RASGRF2: variants seen among roughly 807,000 people sequenced by gnomAD.
RASGRF2 encodes Ras protein specific guanine nucleotide releasing factor 2.
A neutral mutation model predicts 151.0 loss-of-function variants in RASGRF2; 76 were observed. The ratio of observed to expected loss-of-function variants is 0.50; its 90% CI spans 0.42 to 0.61. The LOEUF (loss-of-function observed/expected upper bound fraction) is 0.61. Ranked by LOEUF, RASGRF2 falls within the 20% of genes least tolerant of loss-of-function variation. The pLI is 0.00. For synonymous variants in RASGRF2, 504 were observed against 566.5 expected, an observed-to-expected ratio of 0.89 and a Z score of 1.57; for missense variants, 1,148 against 1,564.6, an observed-to-expected ratio of 0.73 and a Z score of 4.49.
chr5:80,974,236 A>G (rs918352761), intron 1 of RASGRF2, among the ~76,000 whole-genome samples: 2 of 152,240 alleles, frequency 1.3e-5, no homozygotes, highest in Admixed American at 6.5e-5. Flanking sequence ...CACATCCACA[A>G]AGAAGGGTAT....
At chr5:81,209,924 C>A in intron 22 of RASGRF2, among the ~76,000 whole-genome samples, 1 of 152,304 alleles carries the variant, frequency 6.6e-6, no homozygotes, top group East Asian at 1.9e-4. Context: ...AGCACAGGAT[C>A]TAGACGTCAT....
chr5:81,160,249 G>A (rs756676082), intron 17 of RASGRF2, among the ~76,000 whole-genome samples: 9 of 152,010 alleles, frequency 5.9e-5, no homozygotes, highest in African/African-American at 1.2e-4. Context: ...GTGAAACCCC[G>A]TCTCTACTAA....
At chr5:81,035,982 AACAACAATAATCAAGAAGTCCTAC>A (rs1336017021) in intron 1 of RASGRF2, among the ~76,000 whole-genome samples, 1 of 152,208 alleles carries the variant, frequency 6.6e-6, no homozygotes. Flanking sequence ...ACAGAAAAAC[AACAACAATAATCAAGAAGTCCTAC>A]TTATTTCAGA....
chr5:81,021,731 A>G lies in RASGRF2; in HGVS notation c.289-21146A>G, dbSNP rs112805888. ...TAACCACAATCCGTTCATTTGCCCA[A>G]TGCACAGTGAGTCAGTGTTCCAGGG... On this transcript the variant is annotated intron_variant, in intron 1 of 26. Transcript: ENST00000265080. Among the ~76,000 whole-genome samples, 583 of 152,292 alleles carry G rather than the reference A, an allele frequency of 3.8e-3. 2 individuals carry two copies. Among genetic ancestry groups the G allele is most frequent in the Non-Finnish European group, 5.2e-3 (351 of 68,036 alleles).
intron 2 of RASGRF2, among the ~76,000 whole-genome samples, chr5:81,044,158 C>T (rs1280868906): frequency 1.3e-5 from 2 of 152,170 alleles, no homozygotes; most frequent in Non-Finnish European, 2.9e-5. Context: ...TGGCTCATGC[C>T]TGTAATCCCA....
chr5:81,068,011 A>G (rs1345074405), intron 2 of RASGRF2, 21 bp from the exon 3 acceptor site: 1 of 1,579,388 alleles, frequency 6.3e-7, no homozygotes, highest in Non-Finnish European at 8.6e-7. Flanking sequence ...TCAATGACTA[A>G]CTGTGTAATT....
intron 21 of RASGRF2, among the ~76,000 whole-genome samples, chr5:81,208,152 A>G (rs1348445207): frequency 6.6e-6 from 1 of 152,238 alleles, no homozygotes; most frequent in East Asian, 1.9e-4. Context: ...TGGAAGCTGA[A>G]GAATCTTCCT....
chr5:81,095,075 T>A, intron 12 of RASGRF2, 83 bp downstream of exon 12: 1 of 1,115,636 alleles, frequency 9.0e-7, no homozygotes, highest in Non-Finnish European at 1.2e-6. Flanking sequence ...AGGTTTTTTA[T>A]CTTTATTAAA....
intron 2 of RASGRF2, among the ~76,000 whole-genome samples, chr5:81,059,383 CAAAAA>C (rs35051372): frequency 1.1e-5 from 1 of 89,688 alleles, no homozygotes; most frequent in African/African-American, 4.5e-5. Flanking sequence ...GACTCCGCCT[CAAAAA>C]AAAAAAAAAA....
At chr5:81,112,123 T>C (rs1333718349) in intron 13 of RASGRF2, among the ~76,000 whole-genome samples, 1 of 152,154 alleles carries the variant, frequency 6.6e-6, no homozygotes, top group Admixed American at 6.5e-5. Flanking sequence ...AACTTGATAT[T>C]TTCATAGCCC....
intron 15 of RASGRF2, among the ~76,000 whole-genome samples, chr5:81,119,152 C>A (rs1158178094): frequency 6.6e-6 from 1 of 152,214 alleles, no homozygotes; most frequent in African/African-American, 2.4e-5. Flanking sequence ...AGCATCTGTC[C>A]ATTACCCAGT....
chr5:81,185,418 A>G (rs1580388546), intron 18 of RASGRF2, among the ~76,000 whole-genome samples: 2 of 152,344 alleles, frequency 1.3e-5, no homozygotes, highest in East Asian at 3.9e-4. Flanking sequence ...CCTGCCCAAG[A>G]GGACGGCCTG....
intron 1 of RASGRF2, among the ~76,000 whole-genome samples, chr5:80,991,336 G>C (rs1185647796): frequency 6.6e-6 from 1 of 152,040 alleles, no homozygotes; most frequent in Non-Finnish European, 1.5e-5. Context: ...GAGGTGGGAG[G>C]ATCATTTGAG....
chr5:80,972,560 G>T (rs975278384), intron 1 of RASGRF2, among the ~76,000 whole-genome samples: 2 of 152,028 alleles, frequency 1.3e-5, no homozygotes, highest in African/African-American at 2.4e-5. Flanking sequence ...GCTCACTGCA[G>T]TCTTTGCCTC....
intron 5 of RASGRF2, among the ~76,000 whole-genome samples, chr5:81,073,991 A>G (rs1164126626): frequency 6.6e-6 from 1 of 150,872 alleles, no homozygotes; most frequent in Non-Finnish European, 1.5e-5. Context: ...TATTTGACCT[A>G]CATTGTCTTA....
intron 23 of RASGRF2, among the ~76,000 whole-genome samples, chr5:81,212,824 T>G (rs1755655466): frequency 6.6e-6 from 1 of 152,138 alleles, no homozygotes; most frequent in African/African-American, 2.4e-5. Flanking sequence ...TTTCCTGAAT[T>G]ATTTCGGAGG....
rs767446101 is a variant in RASGRF2 at position 81,123,749 on chromosome 5, C to A, written c.2578C>A (p.Arg860Ser). Reference sequence around the variant, plus strand: ...ATCCCCCTCAACTCCTCGGCACCTCCGCTATCGACAGCCTGGAGGTAAGAG... The same window carrying A: ...ATCCCCCTCAACTCCTCGGCACCTCAGCTATCGACAGCCTGGAGGTAAGAG... ...CRSPSTPRHL[R>S]YRQPGGQTAD... is the part of the protein sequence containing the mutation. The change falls in exon 16 of 27, where the codon CGC becomes AGC. Residue 860 changes from arginine to serine, a missense_variant. By Grantham distance (110) the Arg-to-Ser change is moderately radical. This residue lies in a region of RASGRF2 where 646 missense variants were observed against 807.4 expected (regional missense o/e 0.80). Coordinates refer to ENST00000265080, the MANE Select transcript of RASGRF2 (RefSeq NM_006909.3). 6.2e-7 allele frequency: 1 copy of A among 1,613,716 alleles called. No individual in the cohort carries two copies. The highest frequency in any genetic ancestry group is 8.5e-7 in the Non-Finnish European group (1 of 1,179,836).
intron 12 of RASGRF2, among the ~76,000 whole-genome samples, chr5:81,105,591 A>T (rs1156478336): frequency 6.6e-6 from 1 of 152,128 alleles, no homozygotes; most frequent in Non-Finnish European, 1.5e-5. Flanking sequence ...AATTGAAGGA[A>T]CATTGTTCAT....
intron 1 of RASGRF2, 42 bp from the exon 2 acceptor site, chr5:81,042,834 TG>T: frequency 7.1e-7 from 1 of 1,415,628 alleles, no homozygotes; most frequent in Non-Finnish European, 9.8e-7. Context: ...CTGTTGTGCT[TG>T]AAAAATAGAA....
Sources: gnomAD v4.1 joint callset for allele counts (sites outside exome capture counted in the v4.1 genomes callset) on GRCh38, gnomAD v4.1.1 for gene constraint, gnomAD v4.1.1 regional missense constraint, MANE v1.5 for transcripts, NCBI Gene and HGNC (gene_info 2026-07-23, HGNC 2026-07-21) for gene names.